Variants in ACLY observed in about 807,000 individuals in gnomAD.
ACLY encodes ATP-citrate synthase.
ACLY carries 41 observed loss-of-function variants against 133.0 expected under a neutral mutation model. The ratio of observed to expected loss-of-function variants is 0.31; its 90% confidence interval spans 0.24 to 0.40. The LOEUF (loss-of-function observed/expected upper bound fraction) is 0.40, where lower values mean the gene tolerates loss of function less well. ACLY is among the 10% of genes least tolerant of loss of function. The pLI is 1.00. For missense variants in ACLY, 1,046 were observed against 1,453.8 expected, an observed-to-expected ratio of 0.72 and a Z score of 4.56; for synonymous variants, 495 against 549.3, an observed-to-expected ratio of 0.90 and a Z score of 1.38.
rs1555628136 is a variant in ACLY, at chr17:41,886,298, A to G, written c.1886T>C (p.Ile629Thr). Residue 629 changes from isoleucine to threonine, a missense_variant, in exon 18 of 29, where the codon ATC becomes ACC. Around this residue, in one of 4 missense-constraint regions of ACLY, gnomAD observed 575 missense variants for 804.2 expected, o/e 0.71. Coordinates refer to ENST00000352035, the MANE Select transcript of ACLY (RefSeq NM_001096.3). ...TIIGPATVGG[I>T]KPGCFKIGNT... ...GCCAATCTTAAAGCACCCAGGCTTG[A>G]TGCCTCCAACCTGTGGGGGCAGAAA... The G allele has an allele frequency of 1.9e-6, 3 of 1,610,072 alleles. No individual in the cohort carries two copies. The highest frequency in any genetic ancestry group is 1.3e-5 in the African/African-American group (1 of 74,976).
At chr17:41,869,729 C>T in intron 25 of ACLY, 142 bp from the exon 26 acceptor site, 1 of 634,354 alleles carries the variant, frequency 1.6e-6, no homozygotes, top group Non-Finnish European at 2.8e-6. Context: ...TTCCATGTGG[C>T]ACCAATTGTG....
At chr17:41,916,213 G>A (rs1203663972) in intron 1 of ACLY, among the ~76,000 whole-genome samples, 7 of 152,064 alleles carry the variant, frequency 4.6e-5, no homozygotes, top group African/African-American at 1.2e-4. Context: ...GCTTAGAGAC[G>A]GGAGGTTGAG....
intron 14 of ACLY, 65 bp from the exon 15 acceptor site, chr17:41,893,239 G>C: frequency 1.3e-6 from 2 of 1,532,908 alleles, no homozygotes; most frequent in South Asian, 2.5e-5. Context: ...GCAGGGGCCA[G>C]GGCTGCCTGA....
At chr17:41,926,552 G>A (rs957781351) in intron 1 of ACLY, among the ~76,000 whole-genome samples, 3 of 152,142 alleles carry the variant, frequency 2.0e-5, no homozygotes, top group African/African-American at 4.8e-5. Context: ...GCAATGGCAC[G>A]ATCTTGGCTC....
chr17:41,882,884 C>T (rs980493697), intron 20 of ACLY, among the ~76,000 whole-genome samples: 24 of 152,156 alleles, frequency 1.6e-4, no homozygotes, highest in African/African-American at 5.8e-4. Context: ...GCTACCTACG[C>T]CAAGTAGGGA....
At chr17:41,923,470 A>G (rs906655798), upstream of ACLY, among the ~76,000 whole-genome samples, 2 of 152,228 alleles carry the variant, frequency 1.3e-5, no homozygotes, top group Non-Finnish European at 2.9e-5. Flanking sequence ...CATTTTGCCT[A>G]TGATCAACTA....
At position 41,915,907 on chromosome 17, in the gene ACLY, C is replaced by G. The variant is rs1423068875; in HGVS notation, c.-23-2011G>C. Among the ~76,000 whole-genome samples the G allele has an allele frequency of 2.0e-5, 3 of 152,142 alleles. No homozygotes were observed. The East Asian group carries it at 5.8e-4, about 29-fold the overall frequency. On this transcript the variant is annotated intron_variant, in intron 1 of 28. Transcript: ENST00000352035. The stretch of plus-strand genomic sequence containing the variant: ...AGCAATTCAGACTCCTTCCATAACT[C>G]CAGGGGAAAGGAAGTCCCTGGGCTA...
chr17:41,894,894 C>A (rs1314398013), intron 14 of ACLY, among the ~76,000 whole-genome samples: 1 of 152,164 alleles, frequency 6.6e-6, no homozygotes, highest in Non-Finnish European at 1.5e-5. Context: ...TGTACTAGAG[C>A]AGGCTTGGCT....
chr17:41,908,095 C>G (rs2049780149), intron 6 of ACLY, among the ~76,000 whole-genome samples: 2 of 152,162 alleles, frequency 1.3e-5, no homozygotes, highest in African/African-American at 4.8e-5. Context: ...TCTTCCTCCT[C>G]CCCCAGGGCC....
In ACLY at chr17:41,872,010, C is replaced by T. The variant is rs373057568; in HGVS notation, c.2793+22G>A. ...AAGGCCCAGTGTCCCCACTGTTCAC[C>T]TCCCATGATGACAGTACTTACGATG... On this transcript the variant is annotated intron_variant, in intron 24 of 28. Transcript: ENST00000352035. The T allele has an allele frequency of 8.1e-6, 13 of 1,613,308 alleles. No individual in the cohort carries two copies. The African/African-American group carries it at 1.6e-4, about 20-fold the overall frequency.
chr17:41,868,690 C>A lies in ACLY; in HGVS notation c.3211+19G>T, dbSNP rs782485663. On this transcript the variant is annotated intron_variant, in intron 28 of 28. Transcript: ENST00000352035. ...GGGGTTTAAAAAAAAACACTTAAAA[C>A]AACAACGAATGGACTCACCAATGAA... The A allele has an allele frequency of 8.1e-6, 13 of 1,596,638 alleles. No individual in the cohort carries two copies. Among genetic ancestry groups the A allele is most frequent in the Non-Finnish European group, 1.0e-5 (12 of 1,171,006 alleles).
At chr17:41,923,521 C>T (rs538819381), upstream of ACLY, among the ~76,000 whole-genome samples, 16 of 152,348 alleles carry the variant, frequency 1.1e-4, no homozygotes, top group Middle Eastern at 0.014. Flanking sequence ...GGCCTGTACC[C>T]TGCAACCTGC....
upstream of ACLY, chr17:41,919,016 G>C (rs1193176579): frequency 7.8e-7 from 1 of 1,284,596 alleles, no homozygotes; most frequent in Non-Finnish European, 1.0e-6. Flanking sequence ...CGCCCCCATC[G>C]GCTCGCGGCG....
chr17:41,877,550 A>G (rs1010335553), intron 22 of ACLY, among the ~76,000 whole-genome samples: 10 of 151,618 alleles, frequency 6.6e-5, no homozygotes, highest in African/African-American at 2.4e-4. Flanking sequence ...TCCTGGTCTC[A>G]AGCAGTCCTT....
intron 1 of ACLY, among the ~76,000 whole-genome samples, chr17:41,917,372 C>A (rs1555634717): frequency 2.0e-5 from 3 of 152,042 alleles, no homozygotes; most frequent in Non-Finnish European, 4.4e-5. Context: ...AACCTGAAAA[C>A]ACACACATAC....
intron 16 of ACLY, among the ~76,000 whole-genome samples, chr17:41,889,424 C>T (rs2049141065): frequency 7.0e-6 from 1 of 142,058 alleles, no homozygotes; most frequent in Non-Finnish European, 1.5e-5. Context: ...GAGGCTGAGA[C>T]AGGAGAATTG....
chr17:41,909,372 G>A, intron 5 of ACLY, 138 bp downstream of exon 5: 2 of 920,962 alleles, frequency 2.2e-6, no homozygotes, highest in East Asian at 2.5e-5. Context: ...CCTGCACCCA[G>A]CTGTCTTCCT....
intron 20 of ACLY, among the ~76,000 whole-genome samples, chr17:41,879,675 A>G (rs1304189497): frequency 8.2e-6 from 1 of 121,882 alleles, no homozygotes; most frequent in African/African-American, 2.7e-5. Flanking sequence ...AAAAAAAAAA[A>G]AAAAAAAAAA....
rs562860522 is a variant in ACLY at position 41,867,269 on chromosome 17, C to T, written c.*541G>A. On this transcript the variant is annotated 3_prime_UTR_variant, in exon 29 of 29. Coordinates refer to ENST00000352035, the MANE Select transcript of ACLY (RefSeq NM_001096.3). ...CAACACAGAACATTTCAGTGGGATA[C>T]CAAACAAGCCCTTAACACGTAACAT... The T allele has an allele frequency of 1.3e-5, 2 of 152,120 alleles. No homozygotes were observed. The highest frequency in any genetic ancestry group is 2.9e-5 in the Non-Finnish European group (2 of 67,978). 9.4% of individuals were successfully genotyped at this position (152,120 alleles called of 1,614,324 possible).
Sources: allele counts gnomAD v4.1 joint callset (sites outside exome capture counted in the v4.1 genomes callset), GRCh38; gene constraint gnomAD v4.1.1; regional missense constraint gnomAD v4.1.1; transcripts MANE v1.5; gene names NCBI Gene and HGNC (gene_info 2026-07-23, HGNC 2026-07-21).